NRG1: variants seen among roughly 807,000 people sequenced by gnomAD.
NRG1 encodes neuregulin 1, also known as pro-neuregulin-1, membrane-bound isoform.
In NRG1, 18 loss-of-function variants were observed where a neutral mutation model predicts 63.8. That is an observed-to-expected ratio of 0.28 (90% CI 0.19 to 0.42). NRG1 has a LOEUF of 0.42. Ranked by LOEUF, NRG1 falls within the 10% of genes least tolerant of loss-of-function variation. The pLI, the probability that NRG1 is intolerant of heterozygous loss-of-function variation, is 1.00. For missense variants in NRG1, 762 were observed against 814.7 expected (o/e 0.94, Z 0.79); for synonymous variants, 302 against 301.3 (o/e 1.00, Z -0.02).
intron 1 of NRG1, among the ~76,000 whole-genome samples, chr8:32,509,296 G>C (rs13266511): frequency 0.053 from 8,019 of 151,842 alleles, 285 homozygotes; most frequent in Middle Eastern, 0.085. Context: ...GTTTCACCAT[G>C]TTGCCCAGGC....
chr8:31,746,870 A>G (rs1393258848), intron 1 of NRG1, among the ~76,000 whole-genome samples: 1 of 151,988 alleles, frequency 6.6e-6, no homozygotes, highest in Non-Finnish European at 1.5e-5. Context: ...CATGGATGGA[A>G]CTGGAGGCCA....
At chr8:32,491,894 C>T (rs1273517380) in intron 1 of NRG1, among the ~76,000 whole-genome samples, 1 of 152,100 alleles carries the variant, frequency 6.6e-6, no homozygotes, top group Non-Finnish European at 1.5e-5. Flanking sequence ...TATCATTCCC[C>T]CTTATATCCT....
intron 5 of NRG1, among the ~76,000 whole-genome samples, chr8:32,650,655 C>CAAAAAAA (rs59103241): frequency 5.2e-5 from 3 of 57,818 alleles, no homozygotes; most frequent in African/African-American, 1.5e-4. Flanking sequence ...TAATGGAAAG[C>CAAAAAAA]AAAAAAAAAA....
chr8:32,661,770 CAA>C (rs1802915966), intron 5 of NRG1, among the ~76,000 whole-genome samples: 1 of 151,816 alleles, frequency 6.6e-6, no homozygotes, highest in Admixed American at 6.6e-5. Context: ...GGAGAACAAA[CAA>C]AAGAATAATA....
chr8:32,035,156 C>T (rs183124074), intron 1 of NRG1, among the ~76,000 whole-genome samples: 1 of 152,240 alleles, frequency 6.6e-6, no homozygotes, highest in East Asian at 1.9e-4. Context: ...TGTTTGTTCT[C>T]ACTCATTTCA....
intron 1 of NRG1, among the ~76,000 whole-genome samples, chr8:32,397,167 A>G (rs1812543798): frequency 6.6e-6 from 1 of 152,174 alleles, no homozygotes; most frequent in South Asian, 2.1e-4. Flanking sequence ...TAATCTATAG[A>G]TATCTAATGC....
chr8:32,412,792 A>C (rs962995779), intron 1 of NRG1, among the ~76,000 whole-genome samples: 3 of 152,116 alleles, frequency 2.0e-5, no homozygotes, highest in African/African-American at 7.2e-5. Context: ...CACAGTAAAA[A>C]TATGGTATTA....
intron 1 of NRG1, among the ~76,000 whole-genome samples, chr8:32,199,981 G>C (rs1843339833): frequency 6.6e-6 from 1 of 152,142 alleles, no homozygotes; most frequent in Non-Finnish European, 1.5e-5. Flanking sequence ...ATTTCACCAT[G>C]TTGGCCAGGC....
intron 1 of NRG1, among the ~76,000 whole-genome samples, chr8:32,034,263 C>T (rs547491784): frequency 6.6e-6 from 1 of 152,208 alleles, no homozygotes; most frequent in African/African-American, 2.4e-5. Context: ...TATTGATTTG[C>T]ATATGTTGAA....
At chr8:31,716,766 A>G (rs1459128873) in intron 1 of NRG1, among the ~76,000 whole-genome samples, 1 of 152,222 alleles carries the variant, frequency 6.6e-6, no homozygotes, top group East Asian at 1.9e-4. Context: ...CATAATCTTT[A>G]GGGTAAAGTC....
At chr8:32,430,513 C>T (rs1768827789) in intron 1 of NRG1, among the ~76,000 whole-genome samples, 1 of 152,138 alleles carries the variant, frequency 6.6e-6, no homozygotes, top group Non-Finnish European at 1.5e-5. Flanking sequence ...GTCTGATATC[C>T]TGATATCAAA....
rs555259395 is a variant in NRG1, at chr8:31,760,788, A to G, written c.37+121357A>G. ...CACCAGTTAGAATGGCAATCATTAA[A>G]AAGTCAGGAAAGAACAGGTGCTGGA... On this transcript the variant is annotated intron_variant, in intron 1 of 10. Coordinates refer to the NRG1 transcript ENST00000519301. Among the ~76,000 whole-genome samples the G allele has an allele frequency of 5.9e-5, 9 of 152,294 alleles. No individual in the cohort carries two copies. In the East Asian group the frequency reaches 1.7e-3, roughly 29 times the overall value.
chr8:32,017,552 C>T (rs550112876), intron 1 of NRG1, among the ~76,000 whole-genome samples: 2 of 152,308 alleles, frequency 1.3e-5, no homozygotes, highest in African/African-American at 4.8e-5. Context: ...ACATGGCAGT[C>T]ACAGGCCCTG....
chr8:32,689,103 T>C, intron 5 of NRG1, among the ~76,000 whole-genome samples: 1 of 152,178 alleles, frequency 6.6e-6, no homozygotes, highest in East Asian at 1.9e-4. Context: ...CAGCCAACTG[T>C]AGAGCTGTCC....
intron 1 of NRG1, among the ~76,000 whole-genome samples, chr8:32,425,100 A>G (rs1271614110): frequency 6.6e-6 from 1 of 152,110 alleles, no homozygotes; most frequent in Non-Finnish European, 1.5e-5. Context: ...CATTTCTCCA[A>G]CCCATCTTGG....
At chr8:31,942,706 A>G (rs1801936363) in intron 1 of NRG1, among the ~76,000 whole-genome samples, 1 of 152,112 alleles carries the variant, frequency 6.6e-6, no homozygotes, top group South Asian at 2.1e-4. Flanking sequence ...AAGACAAACA[A>G]TCTCATCAAA....
intron 1 of NRG1, among the ~76,000 whole-genome samples, chr8:31,873,761 TG>T (rs2129611890): frequency 6.6e-6 from 1 of 152,306 alleles, no homozygotes; most frequent in East Asian, 1.9e-4. Context: ...TTTGTGAAGT[TG>T]TTGATCAGAA....
At chr8:32,065,932 G>T (rs575503512) in intron 1 of NRG1, among the ~76,000 whole-genome samples, 1 of 152,138 alleles carries the variant, frequency 6.6e-6, no homozygotes, top group Non-Finnish European at 1.5e-5. Flanking sequence ...TTCTCTGATG[G>T]CCAGTGATGA....
At chr8:32,476,007 G>A (rs1305213018) in intron 1 of NRG1, among the ~76,000 whole-genome samples, 1 of 152,138 alleles carries the variant, frequency 6.6e-6, no homozygotes, top group South Asian at 2.1e-4. Context: ...TCTTGCCGAA[G>A]AGTAGTAAAA....
Sources: gnomAD v4.1 joint callset for allele counts (sites outside exome capture counted in the v4.1 genomes callset) on GRCh38, gnomAD v4.1.1 for gene constraint, MANE v1.5 for transcripts, NCBI Gene and HGNC (gene_info 2026-07-23, HGNC 2026-07-21) for gene names.